The following BAZ1A variants were observed in gnomAD, a reference collection of about 807,000 sequenced individuals.
BAZ1A encodes bromodomain adjacent to zinc finger domain 1A, also known as bromodomain adjacent to zinc finger domain protein 1A.
A neutral mutation model predicts 185.2 loss-of-function variants in BAZ1A; 50 were observed. The ratio of observed to expected loss-of-function variants is 0.27; its 90% CI spans 0.22 to 0.34. The LOEUF (loss-of-function observed/expected upper bound fraction) is 0.34, where lower values mean the gene tolerates loss of function less well. Ranked by LOEUF, BAZ1A falls within the 10% of genes least tolerant of loss-of-function variation. The pLI is 1.00. For missense variants in BAZ1A, 1,356 were observed against 1,839.9 expected (o/e 0.74, Z 4.81); for synonymous variants, 571 against 615.6 (o/e 0.93, Z 1.07).
In BAZ1A at chr14:34,753,269, C is replaced by A; in HGVS notation, c.*239G>T. 2 of 406,692 alleles carry A rather than the reference C, an allele frequency of 4.9e-6. No homozygotes were observed. The highest frequency in any genetic ancestry group is 3.9e-5 in the East Asian group (1 of 25,456). 25.2% of individuals were successfully genotyped at this position (406,692 alleles called of 1,614,324 possible). ...AATGATCTCAAAAATGTACAAAAAC[C>A]TCTGTAAACCAGTACTGTATCCAAT... On this transcript the variant is annotated 3_prime_UTR_variant, in exon 27 of 27. Transcript: ENST00000360310.
At chr14:34,825,239 A>G (rs901587696) in intron 4 of BAZ1A, among the ~76,000 whole-genome samples, 2 of 152,148 alleles carry the variant, frequency 1.3e-5, no homozygotes, top group Non-Finnish European at 2.9e-5. Flanking sequence ...CAATCACCTG[A>G]GGTCAGGAGT....
chr14:34,800,080 G>C, intron 9 of BAZ1A, 144 bp downstream of exon 9: 3 of 817,854 alleles, frequency 3.7e-6, no homozygotes, highest in Non-Finnish European at 5.2e-6. Flanking sequence ...CAAAGCAAAA[G>C]GGAGATAAAC....
chr14:34,812,002 C>T (rs994435447), intron 4 of BAZ1A, among the ~76,000 whole-genome samples: 14 of 151,900 alleles, frequency 9.2e-5, no homozygotes, highest in Non-Finnish European at 1.3e-4. Context: ...GTTAAGAGCC[C>T]GCAATATGCC....
chr14:34,776,434 T>A lies in BAZ1A; in HGVS notation c.2318A>T (p.Asp773Val), dbSNP rs1396737508. 1.2e-6 allele frequency: 2 copies of A among 1,614,044 alleles called. No homozygotes were observed. Among genetic ancestry groups the A allele is most frequent in the East Asian group, 4.5e-5 (2 of 44,892 alleles). ...NCVTREPLTA[D>V]EEEALKQEHQ... ...TTCCTGTTTTAATGCTTCTTCCTCA[T>A]CAGCAGTAAGAGGCTCTCTTGTTAC... Residue 773 changes from aspartate to valine, a missense_variant, in exon 18 of 27, where the codon GAT (aspartate) becomes GTT (valine). This residue lies in a region of BAZ1A where 434 missense variants were observed against 561.7 expected (regional missense o/e 0.77). Transcript: ENST00000360310.
chr14:34,869,990 C>T (rs779711645), intron 2 of BAZ1A, among the ~76,000 whole-genome samples: 4 of 152,316 alleles, frequency 2.6e-5, no homozygotes, highest in Admixed American at 2.0e-4. Flanking sequence ...TCCAACCTGC[C>T]TCAGCCTAGC....
chr14:34,806,177 A>C (rs897217025), intron 6 of BAZ1A, among the ~76,000 whole-genome samples: 1 of 152,082 alleles, frequency 6.6e-6, no homozygotes, highest in Admixed American at 6.6e-5. Flanking sequence ...GCATAAACTC[A>C]TTCTTTTTTT....
chr14:34,824,139 G>A (rs1276635636), intron 4 of BAZ1A, among the ~76,000 whole-genome samples: 4 of 151,190 alleles, frequency 2.6e-5, no homozygotes, highest in African/African-American at 7.3e-5. Flanking sequence ...AAGAGACTGA[G>A]GTGGGAAGCC....
intron 12 of BAZ1A, among the ~76,000 whole-genome samples, chr14:34,792,533 T>TTA (rs1880916955): frequency 1.3e-5 from 2 of 152,160 alleles, no homozygotes; most frequent in South Asian, 4.1e-4. Context: ...AGGAAAAGTC[T>TTA]AAAGGAATAA....
chr14:34,863,712 T>G (rs1006088318), intron 2 of BAZ1A, among the ~76,000 whole-genome samples: 5 of 152,332 alleles, frequency 3.3e-5, no homozygotes, highest in African/African-American at 1.2e-4. Context: ...CCATGTACAT[T>G]AATTATAATA....
At chr14:34,858,597 G>A (rs1311066667) in intron 3 of BAZ1A, among the ~76,000 whole-genome samples, 1 of 152,072 alleles carries the variant, frequency 6.6e-6, no homozygotes, top group Non-Finnish European at 1.5e-5. Context: ...TTACAGGCTT[G>A]AGCCACCACA....
rs775409135 is a variant in BAZ1A, at chr14:34,780,167, A to G, written c.2236+19T>C. ...AAAAACAAATACACAAGAATGCCCT[A>G]AAGAAATTTCAGTATTACCCCTTCT... On this transcript the variant is annotated intron_variant, in intron 17 of 26. Transcript: ENST00000360310. 8.7e-6 allele frequency: 14 copies of G among 1,611,790 alleles called. No individual in the cohort carries two copies. In the Admixed American group the frequency reaches 2.2e-4, roughly 25 times the overall value.
At chr14:34,759,841 A>G (rs983616165) in intron 24 of BAZ1A, among the ~76,000 whole-genome samples, 1 of 151,778 alleles carries the variant, frequency 6.6e-6, no homozygotes, top group Non-Finnish European at 1.5e-5. Flanking sequence ...CACCCAGCTA[A>G]TTTTTGTATT....
At position 34,758,187 on chromosome 14, in the gene BAZ1A, T is replaced by C. The variant is rs938372123; in HGVS notation, c.4386+517A>G. The stretch of plus-strand genomic sequence containing the variant: ...AGTACCAACTACTCAAGTGGCTAAG[T>C]TGGAGGATCACTTGAGCTCAGGAGG... On this transcript the variant is annotated intron_variant, in intron 25 of 26. Transcript: ENST00000360310. Among the ~76,000 whole-genome samples the C allele has an allele frequency of 1.3e-5, 2 of 149,862 alleles. 1 individual carries two copies. Among genetic ancestry groups the C allele is most frequent in the Admixed American group, 1.3e-4 (2 of 15,052 alleles).
intron 4 of BAZ1A, among the ~76,000 whole-genome samples, chr14:34,822,034 C>T (rs909610571): frequency 2.6e-5 from 4 of 152,092 alleles, no homozygotes; most frequent in Admixed American, 2.6e-4. Flanking sequence ...GTGGCTCACA[C>T]CTGTAATCCC....
intron 4 of BAZ1A, among the ~76,000 whole-genome samples, chr14:34,825,219 C>T (rs1319342194): frequency 6.6e-6 from 1 of 151,992 alleles, no homozygotes; most frequent in East Asian, 1.9e-4. Flanking sequence ...TTTGGGAGGC[C>T]AAGGTAGGTC....
At chr14:34,758,282 ATACTAAG>A (rs762267196) in intron 25 of BAZ1A, among the ~76,000 whole-genome samples, 1 of 151,454 alleles carries the variant, frequency 6.6e-6, no homozygotes, top group Non-Finnish European at 1.5e-5. Context: ...GTCTCTAAAA[ATACTAAG>A]AAGAAGACAT....
chr14:34,866,009 G>A lies in BAZ1A; in HGVS notation c.114-3687C>T, dbSNP rs1216471313. Among the ~76,000 whole-genome samples the A allele has an allele frequency of 2.0e-5, 3 of 151,820 alleles. No homozygotes were observed. The East Asian group carries it at 5.8e-4, about 30-fold the overall frequency. The stretch of plus-strand genomic sequence containing the variant: ...TCGAGACCAGACTGCGCAACAAAGC[G>A]AGACCCTGTCTCCACCAAAAATTGA... On this transcript the variant is annotated intron_variant, in intron 2 of 26. Transcript: ENST00000360310.
At position 34,825,943 on chromosome 14, in the gene BAZ1A, A is replaced by G. The variant is rs981279131; in HGVS notation, c.536+70T>C. The G allele has an allele frequency of 4.9e-6, 7 of 1,422,844 alleles. No individual in the cohort carries two copies. In the Admixed American group the frequency reaches 1.1e-4, roughly 23 times the overall value. The allele number at this position is 1,422,844 out of a possible 1,614,324, so 88.1% of individuals were successfully genotyped here. A position where few individuals can be genotyped will look rare whatever the true frequency, so the allele number is the denominator to read the frequency against. On this transcript the variant is annotated intron_variant, in intron 4 of 26. Transcript: ENST00000360310. Reference sequence around the variant, plus strand: ...AAAGAGTGAAACTCTATCTCAAAAAAAAAGTTATTTCAATGGAATATCATT... The same window carrying G: ...AAAGAGTGAAACTCTATCTCAAAAAGAAAGTTATTTCAATGGAATATCATT...
At chr14:34,831,233 G>A (rs1224761511) in intron 3 of BAZ1A, among the ~76,000 whole-genome samples, 1 of 152,070 alleles carries the variant, frequency 6.6e-6, no homozygotes, top group Non-Finnish European at 1.5e-5. Context: ...TCTTCCAAAT[G>A]GCTATTAATA....
Sources: gnomAD v4.1 joint callset for allele counts (sites outside exome capture counted in the v4.1 genomes callset) on GRCh38, gnomAD v4.1.1 for gene constraint, gnomAD v4.1.1 regional missense constraint, MANE v1.5 for transcripts, NCBI Gene and HGNC (gene_info 2026-07-23, HGNC 2026-07-21) for gene names.